The following EML6 variants were observed in gnomAD, a reference collection of about 807,000 sequenced individuals.
EML6 encodes the protein EMAP like 6.
In EML6, 154 loss-of-function variants were observed where a neutral mutation model predicts 240.1. The observed-to-expected ratio is 0.64, with a 90% CI of 0.56 to 0.73. The LOEUF (loss-of-function observed/expected upper bound fraction) is 0.73, where lower values mean the gene tolerates loss of function less well. Among genes scored for constraint, EML6 ranks in the 30% least tolerant of loss-of-function variants. EML6 has a pLI of 0.00. For missense variants in EML6, 2,964 were observed against 2,474.6 expected, an observed-to-expected ratio of 1.20 and a Z score of -4.20; for synonymous variants, 1,148 against 899.0, an observed-to-expected ratio of 1.28 and a Z score of -4.95.
chr2:54,844,721 T>A (rs897398492), intron 8 of EML6, among the ~76,000 whole-genome samples: 2 of 152,242 alleles, frequency 1.3e-5, no homozygotes, highest in African/African-American at 4.8e-5. Flanking sequence ...GATGAAATTT[T>A]GAACAGCATC....
chr2:54,921,113 A>G (rs1470180622), intron 26 of EML6, among the ~76,000 whole-genome samples: 1 of 152,098 alleles, frequency 6.6e-6, no homozygotes, highest in Non-Finnish European at 1.5e-5. Context: ...TAGCCAGAGC[A>G]ATTAAGCAAG....
At chr2:54,847,741 A>ATCGTTG in intron 9 of EML6, 118 bp downstream of exon 9, 4 of 1,036,730 alleles carry the variant, frequency 3.9e-6, no homozygotes, top group East Asian at 2.7e-5. Context: ...TTCAAATAGG[A>ATCGTTG]ATACTATAGA....
At chr2:54,968,796 C>A (rs1335681025) in intron 41 of EML6, 28 bp downstream of exon 41, 8 of 1,261,116 alleles carry the variant, frequency 6.3e-6, no homozygotes, top group Admixed American at 2.0e-5. Flanking sequence ...CCAGTTCTTA[C>A]TCCACAGGCC....
intron 2 of EML6, among the ~76,000 whole-genome samples, chr2:54,733,639 T>A (rs1257052225): frequency 1.3e-5 from 2 of 152,200 alleles, no homozygotes; most frequent in Admixed American, 6.5e-5. Flanking sequence ...AGGATTCATT[T>A]TGCACATGGC....
At chr2:54,818,805 G>A (rs1668194695) in intron 4 of EML6, among the ~76,000 whole-genome samples, 1 of 152,082 alleles carries the variant, frequency 6.6e-6, no homozygotes, top group Non-Finnish European at 1.5e-5. Context: ...TTGGAACACT[G>A]TTCTCCCAGA....
intron 10 of EML6, among the ~76,000 whole-genome samples, chr2:54,853,015 A>G (rs1021397824): frequency 5.3e-5 from 8 of 152,208 alleles, no homozygotes; most frequent in Admixed American, 3.9e-4. Flanking sequence ...ATTTTATTTC[A>G]TCATAATCTT....
chr2:54,962,407 C>G (rs766375561), intron 35 of EML6, 116 bp from the exon 36 acceptor site: 8 of 802,424 alleles, frequency 1.0e-5, no homozygotes, highest in Non-Finnish European at 1.5e-5. Flanking sequence ...CACCCCCATT[C>G]ACCGGCAGTC....
At chr2:54,854,269 G>C (rs890169042) in intron 11 of EML6, among the ~76,000 whole-genome samples, 1 of 152,174 alleles carries the variant, frequency 6.6e-6, no homozygotes, top group Non-Finnish European at 1.5e-5. Context: ...TCTGATCATG[G>C]TTGTGGTGAT....
intron 28 of EML6, among the ~76,000 whole-genome samples, chr2:54,936,345 G>A (rs1675133329): frequency 6.6e-6 from 1 of 152,162 alleles, no homozygotes; most frequent in Non-Finnish European, 1.5e-5. Flanking sequence ...TACATCTGGT[G>A]GAGCCATGGT....
At chr2:54,802,656 A>ACTACTACTACTG (rs1205959715) in intron 2 of EML6, among the ~76,000 whole-genome samples, 1 of 127,782 alleles carries the variant, frequency 7.8e-6, no homozygotes, top group Admixed American at 8.0e-5. Flanking sequence ...TACTACTACT[A>ACTACTACTACTG]CTACTACTAC....
At chr2:54,871,194 A>T (rs1004511340) in intron 15 of EML6, among the ~76,000 whole-genome samples, 1 of 152,176 alleles carries the variant, frequency 6.6e-6, no homozygotes, top group Admixed American at 6.6e-5. Context: ...GGAAGGCAGG[A>T]GAGGGAATGG....
chr2:54,749,444 A>G (rs2103694290), intron 2 of EML6, among the ~76,000 whole-genome samples: 1 of 152,262 alleles, frequency 6.6e-6, no homozygotes, highest in Non-Finnish European at 1.5e-5. Flanking sequence ...GGGATTTATC[A>G]TACTGTCTTT....
In EML6 at chr2:54,813,385, T is replaced by G. The variant is rs1162937381; in HGVS notation, c.351T>G (p.Asp117Glu). 1.9e-5 allele frequency: 29 copies of G among 1,550,832 alleles called. No homozygotes were observed. The highest frequency in any genetic ancestry group is 2.4e-5 in the Non-Finnish European group (27 of 1,146,356). The change falls in exon 3 of 42, where the codon GAT becomes GAG. Residue 117 changes from aspartate to glutamate, a missense_variant. Coordinates refer to ENST00000356458, the MANE Select transcript of EML6 (RefSeq NM_001039753.4). ...TTGCCTGCCTGGCTTTTGACTCAGA[T>G]GGACAGGTGTGTATCTTTTTTTAGT... ...HGVACLAFDS[D>E]GQRLASVGLD...
At chr2:54,822,754 G>A (rs568750545) in intron 5 of EML6, among the ~76,000 whole-genome samples, 2 of 152,066 alleles carry the variant, frequency 1.3e-5, no homozygotes, top group South Asian at 4.1e-4. Flanking sequence ...TTATCTCTGG[G>A]TAATGGGTTG....
intron 28 of EML6, among the ~76,000 whole-genome samples, chr2:54,946,956 T>A (rs1397155502): frequency 6.6e-6 from 1 of 152,036 alleles, no homozygotes; most frequent in Non-Finnish European, 1.5e-5. Context: ...TGCGTCTGTG[T>A]ATATATATAC....
At chr2:54,863,309 T>C (rs1670780526) in intron 12 of EML6, among the ~76,000 whole-genome samples, 1 of 152,130 alleles carries the variant, frequency 6.6e-6, no homozygotes, top group Non-Finnish European at 1.5e-5. Flanking sequence ...CTAATAGAAA[T>C]GTGTAAATGA....
intron 25 of EML6, among the ~76,000 whole-genome samples, chr2:54,913,123 A>C (rs1434303503): frequency 7.0e-6 from 1 of 141,880 alleles, no homozygotes; most frequent in Non-Finnish European, 1.5e-5. Flanking sequence ...GAAGGGTGTG[A>C]GACAGCATCT....
chr2:54,966,302 G>C (rs1676744733), intron 38 of EML6, among the ~76,000 whole-genome samples: 1 of 152,214 alleles, frequency 6.6e-6, no homozygotes, highest in South Asian at 2.1e-4. Context: ...CAACAGAGAG[G>C]TGGGAACATT....
chr2:54,844,144 G>C lies in EML6; in HGVS notation c.945G>C (p.Lys315Asn), dbSNP rs1289163194. ...IFEVIVRERD[K>N]PMLILQGHCE... ...AAGTGATTGTGCGAGAGCGAGACAA[G>C]CCGATGTTGATCCTACAGGGCCACT... The change falls in exon 8 of 42, where the codon AAG becomes AAC. Residue 315 changes from lysine to asparagine, a missense_variant. Coordinates refer to ENST00000356458, the MANE Select transcript of EML6 (RefSeq NM_001039753.4). The C allele has an allele frequency of 6.4e-7, 1 of 1,551,730 alleles. No homozygotes were observed. Among genetic ancestry groups the C allele is most frequent in the South Asian group, 1.2e-5 (1 of 84,062 alleles).
Sources: gnomAD v4.1 joint callset for allele counts (sites outside exome capture counted in the v4.1 genomes callset) on GRCh38, gnomAD v4.1.1 for gene constraint, MANE v1.5 for transcripts, NCBI Gene and HGNC (gene_info 2026-07-23, HGNC 2026-07-21) for gene names.